The following ADCK5 variants were observed in gnomAD, a reference collection of about 807,000 sequenced individuals.
The protein encoded by ADCK5 is aarF domain containing kinase 5.
A neutral mutation model predicts 64.9 loss-of-function variants in ADCK5; 43 were observed. The observed-to-expected ratio is 0.66, with a 90% CI of 0.52 to 0.85. The LOEUF is 0.85. Ranked by LOEUF, ADCK5 falls within the 40% of genes least tolerant of loss-of-function variation. The pLI, the probability that ADCK5 is intolerant of heterozygous loss-of-function variation, is 0.00. For synonymous variants in ADCK5, 434 were observed against 342.8 expected, an observed-to-expected ratio of 1.27 and a Z score of -2.94; for missense variants, 760 against 810.5, an observed-to-expected ratio of 0.94 and a Z score of 0.76.
At chr8:144,391,762 C>T (rs1820242638) in intron 8 of ADCK5, 21 bp from the exon 9 acceptor site, 1 of 1,540,780 alleles carries the variant, frequency 6.5e-7, no homozygotes, top group South Asian at 1.2e-5. Flanking sequence ...CCTGCTGAGC[C>T]CAGCCTCTTG....
intron 3 of ADCK5, among the ~76,000 whole-genome samples, chr8:144,387,842 C>T (rs544013860): frequency 6.6e-6 from 1 of 151,964 alleles, no homozygotes; most frequent in South Asian, 2.1e-4. Flanking sequence ...AGCGATTCTC[C>T]TGCCTCAGCC....
chr8:144,383,035 C>T, intron 2 of ADCK5, 46 bp from the exon 3 acceptor site: 1 of 1,563,830 alleles, frequency 6.4e-7, no homozygotes, highest in Non-Finnish European at 8.7e-7. Context: ...CAGAGCCCAG[C>T]TGAATGTGGG....
intron 3 of ADCK5, among the ~76,000 whole-genome samples, chr8:144,388,565 C>T (rs1464805068): frequency 1.1e-4 from 16 of 152,030 alleles, no homozygotes; most frequent in Admixed American, 3.3e-4. Flanking sequence ...GAGATCGAGA[C>T]CATCCTGGCC....
intron 3 of ADCK5, among the ~76,000 whole-genome samples, chr8:144,387,687 G>A: frequency 6.6e-6 from 1 of 151,464 alleles, no homozygotes; most frequent in Admixed American, 6.6e-5. Flanking sequence ...TTATAGGCAT[G>A]AGCCACTGCG....
rs902137261 is a variant in ADCK5 at position 144,384,159 on chromosome 8, C to T, written c.266+929C>T. On this transcript the variant is annotated intron_variant, in intron 3 of 14. Coordinates refer to ENST00000308860, the MANE Select transcript of ADCK5 (RefSeq NM_174922.5). This position sits in a 1 kb window ranked among gnomAD's most constrained non-coding sequence, Gnocchi z 5.7. Reference sequence around the variant, plus strand: ...CGATCTCCTGACCTCGTGATCCACCCGCCTCGGCCTCCCAAAGTGCTGGGA... The same window carrying T: ...CGATCTCCTGACCTCGTGATCCACCTGCCTCGGCCTCCCAAAGTGCTGGGA... 4.6e-5 allele frequency among the ~76,000 whole-genome samples: 7 copies of T among 152,006 alleles called. No homozygotes were observed. Among genetic ancestry groups the T allele is most frequent in the Non-Finnish European group, 8.8e-5 (6 of 68,004 alleles).
At chr8:144,386,503 G>A (rs1819934625) in intron 3 of ADCK5, among the ~76,000 whole-genome samples, 1 of 151,864 alleles carries the variant, frequency 6.6e-6, no homozygotes, top group Non-Finnish European at 1.5e-5. Flanking sequence ...AATTACAGGT[G>A]CCCACCATCA....
chr8:144,383,886 CTTTTTTTTTTTTTT>C (rs35307889), intron 3 of ADCK5, among the ~76,000 whole-genome samples: 1 of 64,884 alleles, frequency 1.5e-5, no homozygotes, highest in South Asian at 6.2e-4. Flanking sequence ...GCCCAAAGCC[CTTTTTTTTTTTTTT>C]TTTTTTTTTT....
In ADCK5 at chr8:144,392,829, G is replaced by A. The variant is rs1459612144; in HGVS notation, c.1574G>A (p.Gly525Asp). The A allele has an allele frequency of 6.3e-7, 1 of 1,592,714 alleles. No homozygotes were observed. Among genetic ancestry groups the A allele is most frequent in the African/African-American group, 1.3e-5 (1 of 74,922 alleles). The change falls in exon 14 of 15, where the codon GGC becomes GAC. Residue 525 changes from glycine to aspartate, a missense_variant. Coordinates refer to ENST00000308860, the MANE Select transcript of ADCK5 (RefSeq NM_174922.5). ...GGCGCCACGTATCGGGGTGTCTACG[G>A]CACCAGCCTCCTGCGCCACGCCAAG... ...LAGATYRGVY[G>D]TSLLRHAKVV...
intron 12 of ADCK5, 27 bp from the exon 13 acceptor site, chr8:144,392,418 T>TACCCCC: frequency 1.3e-6 from 1 of 799,252 alleles, no homozygotes; most frequent in Non-Finnish European, 1.7e-6. Context: ...CAGAGCCCCC[T>TACCCCC]CCCTCCCTCC....
chr8:144,391,033 G>T lies in ADCK5; in HGVS notation c.520G>T (p.Ala174Ser), dbSNP rs781784683. The change falls in exon 5 of 15, where the codon GCC becomes TCC. Residue 174 changes from alanine to serine, a missense_variant. Physicochemically the swap from Ala to Ser is moderately conservative, Grantham distance 99 (BLOSUM62 1). Transcript: ENST00000308860. ...GACCCTGCGCGTGCTAGAGGACAGG[G>T]CCCTCAAGCGGGGCTTCCAGGAGGT... The part of the protein sequence containing the change: ...TRTLRVLEDR[A>S]LKRGFQEVDE... 1.2e-6 allele frequency: 2 copies of T among 1,612,664 alleles called. No individual in the cohort carries two copies. Among genetic ancestry groups the T allele is most frequent in the Admixed American group, 1.7e-5 (1 of 60,024 alleles).
Position 144,392,807 on chromosome 8 carries a change from G to A in ADCK5, c.1552G>A (p.Ala518Thr), listed in dbSNP as rs201648091. Reference protein sequence around the residue: ...AVRGWSRLAGATYRGVYGTSL... With the variant: ...AVRGWSRLAGTTYRGVYGTSL... ...CCGGGGCTGGAGCCGCCTGGCGGGCGCCACGTATCGGGGTGTCTACGGCAC... is the reference window on the plus strand; with the variant it reads ...CCGGGGCTGGAGCCGCCTGGCGGGCACCACGTATCGGGGTGTCTACGGCAC... The change falls in exon 14 of 15, where the codon GCC (alanine) becomes ACC (threonine). Residue 518 changes from alanine (A) to threonine (T), a missense_variant. Transcript: ENST00000308860. The A allele has an allele frequency of 5.0e-5, 79 of 1,591,366 alleles. No individual in the cohort carries two copies. The highest frequency in any genetic ancestry group is 1.0e-4 in the Admixed American group (6 of 58,072).
chr8:144,388,772 A>AG (rs1820062821), intron 3 of ADCK5, among the ~76,000 whole-genome samples: 1 of 152,094 alleles, frequency 6.6e-6, no homozygotes, highest in East Asian at 1.9e-4. Context: ...CCAAAAAAAA[A>AG]AAAAAAGAAA....
At position 144,391,805 on chromosome 8, in the gene ADCK5, G is replaced by T; in HGVS notation, c.953G>T (p.Cys318Phe). 6.4e-7 allele frequency: 1 copy of T among 1,565,844 alleles called. No homozygotes were observed. The highest frequency in any genetic ancestry group is 2.3e-5 in the East Asian group (1 of 43,292). The change falls in exon 9 of 15, where the codon TGC becomes TTC. Residue 318 changes from cysteine to phenylalanine, a missense_variant. Cys to Phe is a radical substitution (Grantham distance 205, BLOSUM62 -2). Around this residue, in one of 2 missense-constraint regions of ADCK5, gnomAD observed 427 missense variants for 518.4 expected, o/e 0.82. Coordinates refer to ENST00000308860, the MANE Select transcript of ADCK5 (RefSeq NM_174922.5). The stretch of plus-strand genomic sequence containing the variant: ...CAGCGCGTGCTCACTGCCGACTTCT[G>T]CGCCGGCTGCAAGGTCAACGATGTG... ...SSKRVLTADFCAGCKVNDVEA... is the reference protein window; with the variant it reads ...SSKRVLTADFFAGCKVNDVEA...
Position 144,383,152 on chromosome 8 carries a change from G to C in ADCK5, c.188G>C (p.Gly63Ala). ...TAVVGAPLLL[G>A]ARYVMAEARE... ...GTAGTGGGGGCGCCCCTGCTCCTCG[G>C]AGCCCGCTATGTCATGGCAGAGGCA... The change falls in exon 3 of 15, where the codon GGA (glycine) becomes GCA (alanine). Residue 63 changes from glycine to alanine, a missense_variant. Physicochemically the swap from Gly to Ala is moderately conservative, Grantham distance 60. Coordinates refer to ENST00000308860, the MANE Select transcript of ADCK5 (RefSeq NM_174922.5). The C allele has an allele frequency of 6.3e-7, 1 of 1,595,298 alleles. No individual in the cohort carries two copies. Among genetic ancestry groups the C allele is most frequent in the Non-Finnish European group, 8.5e-7 (1 of 1,171,488 alleles).
Position 144,392,820 on chromosome 8 carries a change from G to GTGTC in ADCK5, c.1567_1570dup (p.Tyr524CysfsTer20). On this transcript the variant is annotated frameshift_variant, in exon 14 of 15. Transcript: ENST00000308860. LOFTEE classifies it high-confidence loss of function. The stretch of plus-strand genomic sequence containing the variant: ...CGCCTGGCGGGCGCCACGTATCGGG[G>GTGTC]TGTCTACGGCACCAGCCTCCTGCGC... 1 of 1,593,250 alleles carries GTGTC rather than the reference G, an allele frequency of 6.3e-7. No homozygotes were observed. The highest frequency in any genetic ancestry group is 8.5e-7 in the Non-Finnish European group (1 of 1,174,468).
chr8:144,377,308 C>T (rs1489670514), intron 1 of ADCK5: 2 of 152,150 alleles, frequency 1.3e-5, no homozygotes, highest in African/African-American at 4.8e-5. Flanking sequence ...AAAAATAAAG[C>T]AGGGCCATGT....
chr8:144,392,155 A>C lies in ADCK5; in HGVS notation c.1160A>C (p.Gln387Pro). ...ELVLLDHGLYQFLEEKDRAAL... is the reference protein window; with the variant it reads ...ELVLLDHGLYPFLEEKDRAAL... ...GTGCTGCTGGACCACGGGCTCTACC[A>C]GTTCCTGGAGGAGAAGTGAGCGCGG... The change falls in exon 11 of 15, where the codon CAG becomes CCG. Residue 387 changes from glutamine (Q) to proline (P), a missense_variant. Physicochemically the swap from Gln to Pro is moderately conservative, Grantham distance 76 (BLOSUM62 -1). This residue lies in a region of ADCK5 where 333 missense variants were observed against 292.0 expected (regional missense o/e 1.14). Transcript: ENST00000308860. 1 of 1,124,132 alleles carries C rather than the reference A, an allele frequency of 8.9e-7. No homozygotes were observed. The highest frequency in any genetic ancestry group is 1.2e-6 in the Non-Finnish European group (1 of 820,374). 69.6% of individuals were successfully genotyped at this position (1,124,132 alleles called of 1,614,324 possible).
intron 2 of ADCK5, among the ~76,000 whole-genome samples, chr8:144,380,924 C>A (rs1444729544): frequency 5.8e-4 from 25 of 43,032 alleles, no homozygotes; most frequent in East Asian, 7.5e-4. Context: ...CTGCCCCACT[C>A]AGGATTATGG....
Position 144,392,433 on chromosome 8 carries a change from CTCCCT to C in ADCK5, c.1268-11_1268-7del. The C allele has an allele frequency of 6.7e-7, 1 of 1,484,770 alleles. No homozygotes were observed. Among genetic ancestry groups the C allele is most frequent in the South Asian group, 1.3e-5 (1 of 79,560 alleles). 92.0% of individuals were successfully genotyped at this position (1,484,770 alleles called of 1,614,324 possible). ...CAGAGCCCCCTCCCTCCCTCCCTCC[CTCCCT>C]CCCCAGACTACCTCCTGTTCGCCGA... On this transcript the variant is annotated splice_region_variant and splice_polypyrimidine_tract_variant and intron_variant, in intron 12 of 14. Coordinates refer to ENST00000308860, the MANE Select transcript of ADCK5 (RefSeq NM_174922.5).
Sources: allele counts gnomAD v4.1 joint callset (sites outside exome capture counted in the v4.1 genomes callset), GRCh38; gene constraint gnomAD v4.1.1; regional missense constraint gnomAD v4.1.1; non-coding constraint Gnocchi (gnomAD v3.1); transcripts MANE v1.5; gene names NCBI Gene and HGNC (gene_info 2026-07-23, HGNC 2026-07-21).